Variants in TUSC3 observed in about 807,000 individuals in gnomAD.
TUSC3 encodes the protein dolichyl-diphosphooligosaccharide--protein glycosyltransferase subunit TUSC3.
TUSC3 carries 45 observed loss-of-function variants against 44.8 expected under a neutral mutation model. The observed-to-expected ratio is 1.00, with a 90% CI of 0.79 to 1.29. The LOEUF is 1.29. Ranked by LOEUF, TUSC3 falls within the 50% of genes most tolerant of loss-of-function variation. The pLI is 0.00. For missense variants in TUSC3, 519 were observed against 437.9 expected (o/e 1.19, Z -1.65); for synonymous variants, 212 against 152.9 (o/e 1.39, Z -2.85).
the TUSC3 span, among the ~76,000 whole-genome samples, chr8:15,781,805 ACT>A: frequency 6.6e-6 from 1 of 152,250 alleles, no homozygotes; most frequent in Non-Finnish European, 1.5e-5. Context: ...GGCCAGAATC[ACT>A]CTGATACCAA....
At chr8:15,731,663 T>C (rs975190306) in intron 7 of TUSC3, among the ~76,000 whole-genome samples, 1 of 152,186 alleles carries the variant, frequency 6.6e-6, no homozygotes, top group Non-Finnish European at 1.5e-5. Context: ...TTCAGTTTTA[T>C]GTACAATACT....
intron 9 of TUSC3, among the ~76,000 whole-genome samples, chr8:15,751,333 C>G (rs1811693347): frequency 6.6e-6 from 1 of 152,160 alleles, no homozygotes; most frequent in African/African-American, 2.4e-5. Flanking sequence ...CAACAGAAAT[C>G]CATTGCTTCA....
chr8:15,495,756 C>T (rs1263682616), intron 2 of TUSC3, among the ~76,000 whole-genome samples: 1 of 152,146 alleles, frequency 6.6e-6, no homozygotes, highest in Non-Finnish European at 1.5e-5. Context: ...TGTCCAAAAA[C>T]TGGCAAAGGT....
intron 6 of TUSC3, 104 bp downstream of exon 6, chr8:15,673,940 G>A (rs1035312941): frequency 2.0e-5 from 19 of 965,710 alleles, no homozygotes; most frequent in East Asian, 7.7e-5. Context: ...CTGTTTGTCA[G>A]TCAAAATATA....
chr8:15,479,206 G>A (rs1800625157), intron 1 of TUSC3, among the ~76,000 whole-genome samples: 2 of 152,080 alleles, frequency 1.3e-5, no homozygotes, highest in Non-Finnish European at 2.9e-5. Context: ...TGGGTAGATT[G>A]CAAAAATTTT....
chr8:15,795,514 A>T, the TUSC3 span, among the ~76,000 whole-genome samples: 2 of 152,248 alleles, frequency 1.3e-5, no homozygotes, highest in African/African-American at 2.4e-5. Flanking sequence ...CTCTTTGGAT[A>T]AACTAATGAG....
the TUSC3 span, among the ~76,000 whole-genome samples, chr8:15,827,836 G>A: frequency 0.039 from 5,937 of 152,096 alleles, 343 homozygotes; most frequent in African/African-American, 0.13. Context: ...GTTGATGCCG[G>A]AATGTTGAAG....
chr8:15,809,220 A>G, the TUSC3 span, among the ~76,000 whole-genome samples: 1 of 152,174 alleles, frequency 6.6e-6, no homozygotes, highest in Non-Finnish European at 1.5e-5. Flanking sequence ...GGCACCAGTG[A>G]GGGTGTGAGG....
chr8:15,829,117 C>G, the TUSC3 span, among the ~76,000 whole-genome samples: 1 of 151,906 alleles, frequency 6.6e-6, no homozygotes, highest in Admixed American at 6.6e-5. Flanking sequence ...TTTTATTATT[C>G]TATGTCGTTC....
chr8:15,686,545 T>C (rs889256870), intron 6 of TUSC3, among the ~76,000 whole-genome samples: 2 of 152,132 alleles, frequency 1.3e-5, no homozygotes, highest in South Asian at 4.1e-4. Context: ...TATCCAACTT[T>C]CTTCACTTTC....
intron 1 of TUSC3, among the ~76,000 whole-genome samples, chr8:15,581,843 C>T (rs1178451191): frequency 8.5e-6 from 1 of 117,252 alleles, no homozygotes. Flanking sequence ...TGGTGGGCTC[C>T]ACCCAGTTGG....
chr8:15,754,739 G>A (rs1407123301), intron 9 of TUSC3, among the ~76,000 whole-genome samples: 1 of 151,924 alleles, frequency 6.6e-6, no homozygotes, highest in African/African-American at 2.4e-5. Context: ...ATACAGGACT[G>A]TATCCATAAT....
At chr8:15,607,618 G>A (rs1269047106) in intron 1 of TUSC3, among the ~76,000 whole-genome samples, 1 of 151,952 alleles carries the variant, frequency 6.6e-6, no homozygotes, top group Non-Finnish European at 1.5e-5. Flanking sequence ...CCCAGATATC[G>A]ACTACCTAGA....
intron 1 of TUSC3, among the ~76,000 whole-genome samples, chr8:15,565,802 G>T (rs115887036): frequency 6.6e-6 from 1 of 152,004 alleles, no homozygotes; most frequent in Non-Finnish European, 1.5e-5. Context: ...CATGTGTTGC[G>T]GATGGCAGAG....
chr8:15,570,954 G>GTTTTTTTTTTTTTTTTTTTTT, intron 1 of TUSC3, among the ~76,000 whole-genome samples: 783 of 44,452 alleles, frequency 0.018, 253 homozygotes, highest in Non-Finnish European at 0.028. Context: ...TTGCCTATTA[G>GTTTTTTTTTTTTTTTTTTTTT]TTTTTTTTTT....
intron 2 of TUSC3, among the ~76,000 whole-genome samples, chr8:15,493,185 A>G (rs1800832981): frequency 6.6e-6 from 1 of 152,202 alleles, no homozygotes; most frequent in Non-Finnish European, 1.5e-5. Flanking sequence ...AAAGAACCAA[A>G]AATTCCACCC....
intron 9 of TUSC3, among the ~76,000 whole-genome samples, chr8:15,752,732 A>G (rs996180037): frequency 2.0e-5 from 3 of 152,108 alleles, no homozygotes; most frequent in Non-Finnish European, 4.4e-5. Context: ...GTATATTCCT[A>G]TAAGTAGAAA....
At chr8:15,692,375 G>GTTTTTTTTTTTTTTTTTTTTTT (rs59838929) in intron 6 of TUSC3, among the ~76,000 whole-genome samples, 1 of 68,340 alleles carries the variant, frequency 1.5e-5, no homozygotes, top group Non-Finnish European at 2.6e-5. Context: ...CCCCCCCTTT[G>GTTTTTTTTTTTTTTTTTTTTTT]TTTTTTTTTT....
intron 2 of TUSC3, among the ~76,000 whole-genome samples, chr8:15,517,255 G>T (rs1346613573): frequency 6.6e-6 from 1 of 152,060 alleles, no homozygotes; most frequent in Non-Finnish European, 1.5e-5. Flanking sequence ...TAATTGATTT[G>T]TGTAGTGTTG....
Sources: gnomAD v4.1 joint callset for allele counts (sites outside exome capture counted in the v4.1 genomes callset) on GRCh38, gnomAD v4.1.1 for gene constraint, MANE v1.5 for transcripts, NCBI Gene and HGNC (gene_info 2026-07-23, HGNC 2026-07-21) for gene names.